Variants in CNOT9 observed in about 807,000 individuals in gnomAD.
CNOT9 encodes the protein CCR4-NOT transcription complex subunit 9, also known as RCD1 required for cell differentiation1 homolog.
In CNOT9, 8 loss-of-function variants were observed where a neutral mutation model predicts 37.4. The observed-to-expected ratio is 0.21, with a 90% CI of 0.13 to 0.39. The LOEUF (loss-of-function observed/expected upper bound fraction) is 0.39, where lower values mean the gene tolerates loss of function less well. Among genes scored for constraint, CNOT9 ranks in the 10% least tolerant of loss-of-function variants. CNOT9 has a pLI of 1.00. For missense variants in CNOT9, 154 were observed against 365.3 expected (o/e 0.42, Z 4.71); for synonymous variants, 120 against 137.6 (o/e 0.87, Z 0.90).
At chr2:218,577,039 G>A (rs1227414488) in intron 1 of CNOT9, among the ~76,000 whole-genome samples, 8 of 151,910 alleles carry the variant, frequency 5.3e-5, no homozygotes, top group African/African-American at 9.7e-5. Context: ...TTAGCAAAGC[G>A]GTTAAAAGTG....
At chr2:218,586,941 C>A (rs1459501260) in intron 4 of CNOT9, among the ~76,000 whole-genome samples, 1 of 152,166 alleles carries the variant, frequency 6.6e-6, no homozygotes, top group African/African-American at 2.4e-5. Context: ...CCAAACATTT[C>A]TTTAAAAGAA....
intron 1 of CNOT9, among the ~76,000 whole-genome samples, chr2:218,579,162 A>G (rs889499727): frequency 2.6e-5 from 4 of 152,244 alleles, no homozygotes; most frequent in African/African-American, 9.6e-5. Flanking sequence ...AAGTTTATGC[A>G]AAAGGTTTTA....
At chr2:218,569,701 A>G (rs1331147412) in intron 1 of CNOT9, among the ~76,000 whole-genome samples, 1 of 151,842 alleles carries the variant, frequency 6.6e-6, no homozygotes, top group Non-Finnish European at 1.5e-5. Flanking sequence ...TGGCCACCTA[A>G]CCCTCTGCAA....
At chr2:218,587,727 G>A in intron 5 of CNOT9, 32 bp downstream of exon 5, 1 of 1,278,972 alleles carries the variant, frequency 7.8e-7, no homozygotes, top group South Asian at 1.4e-5. Context: ...TTTACATTGT[G>A]TTGACTCTTA....
chr2:218,572,004 A>T (rs2106077133), intron 1 of CNOT9, among the ~76,000 whole-genome samples: 1 of 152,084 alleles, frequency 6.6e-6, no homozygotes. Flanking sequence ...ACCACACAGG[A>T]TTATTCTAAA....
Position 218,568,874 on chromosome 2 carries a change from G to A in CNOT9, c.-81G>A, listed in dbSNP as rs526897. 0.63 allele frequency: 951,382 copies of A among 1,507,020 alleles called. 303,758 individuals carry two copies. The highest frequency in any genetic ancestry group is 0.9 in the East Asian group (36,568 of 40,806). The allele number at this position is 1,507,020 out of a possible 1,614,324, so 93.4% of individuals were successfully genotyped here. A position where few individuals can be genotyped will look rare whatever the true frequency, so the allele number is the denominator to read the frequency against. ...CGGATGGCGGCTACGGCGGCTCATT[G>A]TTTTCCGCTGCAGGGGTGCTGAAGG... On this transcript the variant is annotated 5_prime_UTR_variant, in exon 1 of 8. Coordinates refer to ENST00000273064, the MANE Select transcript of CNOT9 (RefSeq NM_005444.3).
intron 4 of CNOT9, among the ~76,000 whole-genome samples, chr2:218,584,991 G>A (rs1040077878): frequency 3.3e-5 from 5 of 152,176 alleles, no homozygotes; most frequent in Non-Finnish European, 7.4e-5. Flanking sequence ...GGAGAGTAAA[G>A]CATAAGAACT....
chr2:218,574,085 T>G (rs2106079475), intron 1 of CNOT9: 1 of 414,458 alleles, frequency 2.4e-6, no homozygotes, highest in Admixed American at 2.7e-5. Context: ...TTCTCCCACC[T>G]CAGCCTCTTG....
chr2:218,575,060 C>T (rs946738676), intron 1 of CNOT9, among the ~76,000 whole-genome samples: 8 of 152,044 alleles, frequency 5.3e-5, no homozygotes, highest in Non-Finnish European at 1.0e-4. Flanking sequence ...AATATAGTTC[C>T]TTCACTTTAA....
At chr2:218,581,409 AT>A (rs1211644653) in intron 2 of CNOT9, among the ~76,000 whole-genome samples, 1 of 150,986 alleles carries the variant, frequency 6.6e-6, no homozygotes, top group African/African-American at 2.4e-5. Context: ...TGACCTCGTG[AT>A]CCACCCACCT....
At chr2:218,589,311 A>T (rs1407590687) in intron 5 of CNOT9, 2 of 152,140 alleles carry the variant, frequency 1.3e-5, no homozygotes, top group African/African-American at 4.8e-5. Context: ...TGTGCTGTCT[A>T]AGTGAGCACT....
chr2:218,574,810 G>T (rs1212266827), intron 1 of CNOT9, among the ~76,000 whole-genome samples: 2 of 152,152 alleles, frequency 1.3e-5, no homozygotes, highest in East Asian at 3.8e-4. Context: ...ACTGAAAAGG[G>T]CATTAAAGAA....
intron 5 of CNOT9, among the ~76,000 whole-genome samples, 164 bp downstream of exon 5, chr2:218,587,859 G>A (rs1694641869): frequency 6.6e-6 from 1 of 152,110 alleles, no homozygotes; most frequent in African/African-American, 2.4e-5. Context: ...AAACCATTCA[G>A]AAGAAAATCA....
intron 1 of CNOT9, chr2:218,573,751 C>G (rs1370837487): frequency 1.1e-5 from 2 of 177,974 alleles, no homozygotes; most frequent in South Asian, 9.2e-5. Flanking sequence ...CTGTCAGTAC[C>G]CTGTGTGACA....
At chr2:218,570,119 A>C (rs1398429708) in intron 1 of CNOT9, among the ~76,000 whole-genome samples, 2 of 152,212 alleles carry the variant, frequency 1.3e-5, no homozygotes, top group African/African-American at 2.4e-5. Context: ...ACTTTGCTGC[A>C]TGAAAGAATA....
At chr2:218,572,675 T>C (rs893298114) in intron 1 of CNOT9, 31 of 985,222 alleles carry the variant, frequency 3.1e-5, no homozygotes, top group Non-Finnish European at 3.5e-5. Flanking sequence ...ATAGGTATTC[T>C]GTAATGGATG....
intron 1 of CNOT9, among the ~76,000 whole-genome samples, chr2:218,574,733 G>A (rs1694109579): frequency 6.6e-6 from 1 of 152,134 alleles, no homozygotes; most frequent in Non-Finnish European, 1.5e-5. Context: ...ATAATTTCTG[G>A]AAAAGGCAGA....
chr2:218,585,633 A>T (rs979501350), intron 4 of CNOT9, among the ~76,000 whole-genome samples: 2 of 2,798 alleles, frequency 7.1e-4, no homozygotes, highest in African/African-American at 8.3e-4. Context: ...TTTATTTTTT[A>T]TTTTATTTTT....
At chr2:218,570,146 C>G (rs1218627347) in intron 1 of CNOT9, among the ~76,000 whole-genome samples, 1 of 152,104 alleles carries the variant, frequency 6.6e-6, no homozygotes, top group African/African-American at 2.4e-5. Context: ...GGAAGGTGAC[C>G]ACTGAAAGAA....
Sources: allele counts gnomAD v4.1 joint callset (sites outside exome capture counted in the v4.1 genomes callset), GRCh38; gene constraint gnomAD v4.1.1; transcripts MANE v1.5; gene names NCBI Gene and HGNC (gene_info 2026-07-23, HGNC 2026-07-21).